Variants in STARD9 observed in about 807,000 individuals in gnomAD.
STARD9 encodes the protein StAR related lipid transfer domain containing 9, also known as stAR-related lipid transfer protein 9.
In STARD9, 346 loss-of-function variants were observed where a neutral mutation model predicts 399.8. The observed-to-expected ratio is 0.87, with a 90% CI of 0.79 to 0.95. The LOEUF (loss-of-function observed/expected upper bound fraction) is 0.95, where lower values mean the gene tolerates loss of function less well. STARD9 is among the 40% of genes least tolerant of loss of function. STARD9 has a pLI of 0.00. For synonymous variants in STARD9, 2,203 were observed against 2,143.5 expected, an observed-to-expected ratio of 1.03 and a Z score of -0.77; for missense variants, 5,832 against 5,667.5, an observed-to-expected ratio of 1.03 and a Z score of -0.93.
At position 42,684,869 on chromosome 15, in the gene STARD9, C is replaced by T. The variant is rs1566934264; in HGVS notation, c.3291C>T (p.Asp1097=). ...TAATGGATCATTCAAGAGAAAAAGA[C>T]AATGATTTATCTGACACAGATAGCA... The part of the protein sequence containing the change: ...SPVMDHSREK[D]NDLSDTDSNY... Residue 1097 remains aspartate, a synonymous_variant, in exon 23 of 33, where the codon GAC becomes GAT. Coordinates refer to ENST00000290607, the MANE Select transcript of STARD9 (RefSeq NM_020759.3). The T allele has an allele frequency of 2.6e-6, 4 of 1,537,126 alleles. No individual in the cohort carries two copies. The highest frequency in any genetic ancestry group is 3.5e-6 in the Non-Finnish European group (4 of 1,146,900).
At chr15:42,631,958 T>A (rs1441196436) in intron 3 of STARD9, among the ~76,000 whole-genome samples, 2 of 152,172 alleles carry the variant, frequency 1.3e-5, no homozygotes. Flanking sequence ...TTAGTTCCAT[T>A]TGGTTTACAG....
rs1238324934 is a variant in STARD9 at position 42,694,635 on chromosome 15, A to G, written c.12872A>G (p.Asn4291Ser). The G allele has an allele frequency of 2.3e-5, 35 of 1,537,076 alleles. No homozygotes were observed. Among genetic ancestry groups the G allele is most frequent in the Non-Finnish European group, 3.0e-5 (34 of 1,146,898 alleles). ...SPQKQLSLLP[N>S]KDLFIWDLDL... ...CAGAAACAACTGAGCCTCCTGCCCAACAAAGATCTCTTCATCTGGGATCTT... is the reference window on the plus strand; with the variant it reads ...CAGAAACAACTGAGCCTCCTGCCCAGCAAAGATCTCTTCATCTGGGATCTT... The change falls in exon 24 of 33, where the codon AAC becomes AGC. Residue 4291 changes from asparagine to serine, a missense_variant. Asn to Ser is a conservative substitution (Grantham distance 46). This residue lies in a region of STARD9 where 5,828 missense variants were observed against 5,651.1 expected (regional missense o/e 1.03). Coordinates refer to ENST00000290607, the MANE Select transcript of STARD9 (RefSeq NM_020759.3).
At chr15:42,715,580 G>C (rs2061334765) in intron 26 of STARD9, among the ~76,000 whole-genome samples, 1 of 151,546 alleles carries the variant, frequency 6.6e-6, no homozygotes, top group Non-Finnish European at 1.5e-5. Flanking sequence ...GAGTGCAGTG[G>C]CACAATCTCG....
At position 42,691,360 on chromosome 15, in the gene STARD9, A is replaced by C. The variant is rs1233726862; in HGVS notation, c.9782A>C (p.Lys3261Thr). ...GCTGTGGCCAAGCCTCCTGTGTCCA[A>C]GATTTTATCACAGGGCTTCAAAGAC... ...EVAVAKPPVSKILSQGFKDPA... is the reference protein window; with the variant it reads ...EVAVAKPPVSTILSQGFKDPA... Residue 3261 changes from lysine to threonine, a missense_variant, in exon 23 of 33, where the codon AAG (lysine) becomes ACG (threonine). Physicochemically the swap from Lys to Thr is moderately conservative, Grantham distance 78. Around this residue, in one of 2 missense-constraint regions of STARD9, gnomAD observed 5,828 missense variants for 5,651.1 expected, o/e 1.03. Transcript: ENST00000290607. 6.5e-7 allele frequency: 1 copy of C among 1,537,094 alleles called. No homozygotes were observed. The highest frequency in any genetic ancestry group is 8.7e-7 in the Non-Finnish European group (1 of 1,146,904).
chr15:42,608,406 G>T (rs1474611968), intron 3 of STARD9, among the ~76,000 whole-genome samples: 3 of 152,112 alleles, frequency 2.0e-5, no homozygotes, highest in Non-Finnish European at 1.5e-5. Context: ...CACCTGGGCT[G>T]GCTGAACCCA....
In STARD9 at chr15:42,685,108, C is replaced by G; in HGVS notation, c.3530C>G (p.Thr1177Ser). ...ACCAACAACCGTGGCCAACCCAGGA[C>G]CAGAACTAGAGCTTCTGTGAGGGGC... ...RPTNNRGQPR[T>S]RTRASVRGFT... The change falls in exon 23 of 33, where the codon ACC becomes AGC. Residue 1177 changes from threonine to serine, a missense_variant. This residue lies in a region of STARD9 where 5,828 missense variants were observed against 5,651.1 expected (regional missense o/e 1.03). Transcript: ENST00000290607. The G allele has an allele frequency of 6.5e-7, 1 of 1,537,176 alleles. No homozygotes were observed. Among genetic ancestry groups the G allele is most frequent in the Non-Finnish European group, 8.7e-7 (1 of 1,146,932 alleles).
chr15:42,695,640 G>A, intron 25 of STARD9, 103 bp from the exon 26 acceptor site: 3 of 1,344,686 alleles, frequency 2.2e-6, no homozygotes, highest in African/African-American at 2.9e-5. Context: ...TGAAGGAGCA[G>A]TAGAGGTGAG....
At position 42,695,289 on chromosome 15, in the gene STARD9, G is replaced by A. The variant is rs900663289; in HGVS notation, c.13112G>A (p.Arg4371Lys). 3.7e-5 allele frequency: 57 copies of A among 1,536,332 alleles called. No homozygotes were observed. The highest frequency in any genetic ancestry group is 4.6e-5 in the Non-Finnish European group (53 of 1,146,404). ...LRERTEQEKL[R>K]IHQKIISQLL... is the part of the protein sequence containing the mutation. ...GAGCGGACTGAACAAGAGAAGCTGA[G>A]AATCCACCAGAAGATCATTTCCCAG... Residue 4371 changes from arginine (R) to lysine (K), a missense_variant, in exon 25 of 33, where the codon AGA becomes AAA. This residue lies in a region of STARD9 where 5,828 missense variants were observed against 5,651.1 expected (regional missense o/e 1.03). Transcript: ENST00000290607.
intron 3 of STARD9, among the ~76,000 whole-genome samples, chr15:42,593,690 G>A (rs1405405727): frequency 9.5e-6 from 1 of 105,128 alleles, no homozygotes; most frequent in East Asian, 3.4e-4. Flanking sequence ...TTGAGACAGA[G>A]TCTCACTCTG....
intron 9 of STARD9, among the ~76,000 whole-genome samples, chr15:42,655,596 T>C (rs564640903): frequency 6.6e-6 from 1 of 152,270 alleles, no homozygotes; most frequent in African/African-American, 2.4e-5. Context: ...TCAAGATAGA[T>C]GAAAGACTTA....
At chr15:42,676,705 C>T (rs1281689320) in intron 20 of STARD9, among the ~76,000 whole-genome samples, 1 of 152,136 alleles carries the variant, frequency 6.6e-6, no homozygotes. Flanking sequence ...CCTTCTATTC[C>T]TGTACGTCAA....
intron 9 of STARD9, among the ~76,000 whole-genome samples, chr15:42,659,925 A>G (rs1047541356): frequency 6.6e-6 from 1 of 152,210 alleles, no homozygotes; most frequent in Non-Finnish European, 1.5e-5. Context: ...ACAAATATCC[A>G]TAACTGTTAT....
intron 2 of STARD9, among the ~76,000 whole-genome samples, chr15:42,584,640 C>A (rs1433298794): frequency 6.6e-6 from 1 of 152,078 alleles, no homozygotes; most frequent in Non-Finnish European, 1.5e-5. Flanking sequence ...ATGCTGTTCT[C>A]CTCAGTACCT....
At chr15:42,649,211 T>C (rs912514936) in intron 7 of STARD9, among the ~76,000 whole-genome samples, 4 of 152,026 alleles carry the variant, frequency 2.6e-5, no homozygotes, top group Non-Finnish European at 5.9e-5. Flanking sequence ...TGTATTTTCA[T>C]GAGAGACGGG....
chr15:42,685,281 T>TGAG lies in STARD9; in HGVS notation c.3703_3704insGAG (p.Phe1235delinsTer). ...AGCTGACGAGATACCCACAGAGACT[T>TGAG]TTTGGCACCTGGAGGACTCTAGTCT... On this transcript the variant is annotated stop_gained, in exon 23 of 33. Transcript: ENST00000290607. LOFTEE classifies it high-confidence loss of function. 1 of 1,537,498 alleles carries TGAG rather than the reference T, an allele frequency of 6.5e-7. No individual in the cohort carries two copies. The highest frequency in any genetic ancestry group is 2.4e-5 in the East Asian group (1 of 40,922).
chr15:42,609,328 G>A (rs1351378942), intron 3 of STARD9, among the ~76,000 whole-genome samples: 1 of 152,126 alleles, frequency 6.6e-6, no homozygotes, highest in African/African-American at 2.4e-5. Flanking sequence ...TAACCCTAAT[G>A]TGGCTCAGTC....
At chr15:42,645,401 C>T (rs922996999) in intron 7 of STARD9, among the ~76,000 whole-genome samples, 1 of 152,192 alleles carries the variant, frequency 6.6e-6, no homozygotes, top group African/African-American at 2.4e-5. Context: ...TGACCAGGCA[C>T]ACTGTCAATG....
At chr15:42,624,979 G>A (rs541248519) in intron 3 of STARD9, among the ~76,000 whole-genome samples, 61 of 152,162 alleles carry the variant, frequency 4.0e-4, no homozygotes, top group Non-Finnish European at 6.9e-4. Context: ...CAGACCCATA[G>A]AGATAAGTAA....
intron 3 of STARD9, among the ~76,000 whole-genome samples, chr15:42,617,992 T>C (rs1183419884): frequency 5.3e-5 from 8 of 152,182 alleles, no homozygotes; most frequent in Non-Finnish European, 1.2e-4. Context: ...ACTCCTGGGC[T>C]CAAGTGATCC....
Sources: gnomAD v4.1 joint callset for allele counts (sites outside exome capture counted in the v4.1 genomes callset) on GRCh38, gnomAD v4.1.1 for gene constraint, gnomAD v4.1.1 regional missense constraint, MANE v1.5 for transcripts, NCBI Gene and HGNC (gene_info 2026-07-23, HGNC 2026-07-21) for gene names.